The following CSMD1 variants were observed in gnomAD, a reference collection of about 807,000 sequenced individuals.
The protein encoded by CSMD1 is CUB and Sushi multiple domains 1.
In CSMD1, 213 loss-of-function variants were observed where a neutral mutation model predicts 417.5. The observed-to-expected ratio is 0.51, with a 90% CI of 0.46 to 0.57. The LOEUF (loss-of-function observed/expected upper bound fraction) is 0.57, where lower values mean the gene tolerates loss of function less well. Ranked by LOEUF, CSMD1 falls within the 20% of genes least tolerant of loss-of-function variation. The pLI is 0.00. For synonymous variants in CSMD1, 2,862 were observed against 1,736.8 expected (o/e 1.65, Z -16.11); for missense variants, 6,923 against 4,529.7 (o/e 1.53, Z -15.17).
intron 2 of CSMD1, among the ~76,000 whole-genome samples, chr8:4,527,082 T>A (rs1466127198): frequency 6.6e-6 from 1 of 152,196 alleles, no homozygotes; most frequent in Non-Finnish European, 1.5e-5. Flanking sequence ...AGACATAATT[T>A]TTTTCAGAAG....
At chr8:4,399,793 G>A (rs574675022) in intron 3 of CSMD1, among the ~76,000 whole-genome samples, 6 of 152,178 alleles carry the variant, frequency 3.9e-5, no homozygotes, top group Admixed American at 2.0e-4. Flanking sequence ...TCTAAAAGAT[G>A]CATCTGCTTT....
intron 2 of CSMD1, among the ~76,000 whole-genome samples, chr8:4,625,182 GA>G (rs1415845873): frequency 7.4e-6 from 1 of 135,618 alleles, no homozygotes; most frequent in Non-Finnish European, 1.6e-5. Context: ...GGGAGATACA[GA>G]GACCCACAGG....
intron 2 of CSMD1, among the ~76,000 whole-genome samples, chr8:4,577,419 G>T (rs1405274376): frequency 6.6e-6 from 1 of 152,056 alleles, no homozygotes. Context: ...AATGTTCTTG[G>T]ACACTCTGCT....
chr8:4,783,179 G>C (rs1197187890), intron 1 of CSMD1, among the ~76,000 whole-genome samples: 1 of 152,204 alleles, frequency 6.6e-6, no homozygotes, highest in Non-Finnish European at 1.5e-5. Context: ...TTTGTAGATA[G>C]TTGAAATACA....
chr8:4,065,999 C>G (rs1451662219), intron 3 of CSMD1, among the ~76,000 whole-genome samples: 2 of 152,172 alleles, frequency 1.3e-5, no homozygotes, highest in African/African-American at 2.4e-5. Flanking sequence ...GAAGGAGACC[C>G]TTCTCCACGA....
intron 4 of CSMD1, among the ~76,000 whole-genome samples, chr8:4,026,423 A>T (rs912034542): frequency 6.6e-6 from 1 of 152,226 alleles, no homozygotes; most frequent in Admixed American, 6.5e-5. Flanking sequence ...TAGGAAAGAC[A>T]CTTAGCTGAC....
At chr8:4,867,133 C>T (rs907642815) in intron 1 of CSMD1, among the ~76,000 whole-genome samples, 1 of 152,028 alleles carries the variant, frequency 6.6e-6, no homozygotes, top group African/African-American at 2.4e-5. Context: ...GAACTACACA[C>T]ATATTATTTA....
At chr8:4,946,039 C>T (rs551258609) in intron 1 of CSMD1, among the ~76,000 whole-genome samples, 85 of 152,234 alleles carry the variant, frequency 5.6e-4, no homozygotes, top group African/African-American at 1.9e-3. Context: ...AGACTTCTCC[C>T]GTCTGCTGTG....
In CSMD1 at chr8:3,933,794, T is replaced by C. The variant is rs538408234; in HGVS notation, c.818+64109A>G. On this transcript the variant is annotated intron_variant, in intron 5 of 69. Transcript: ENST00000635120. ...TATTTTCCTGCTATATTTATTTTTA[T>C]AATTCAGATCTTGCACTTAAAACCA... 2.0e-5 allele frequency among the ~76,000 whole-genome samples: 3 copies of C among 152,364 alleles called. No homozygotes were observed. In the South Asian group the frequency reaches 6.2e-4, roughly 32 times the overall value.
intron 3 of CSMD1, among the ~76,000 whole-genome samples, chr8:4,253,748 T>C (rs932688985): frequency 8.0e-5 from 12 of 149,400 alleles, no homozygotes; most frequent in Admixed American, 2.7e-4. Flanking sequence ...GTTGTTCAAT[T>C]ATATACTTGA....
chr8:4,458,993 C>G (rs1051618929), intron 2 of CSMD1, among the ~76,000 whole-genome samples: 2 of 152,186 alleles, frequency 1.3e-5, no homozygotes, highest in South Asian at 4.1e-4. Context: ...TGAGGATTCA[C>G]GTTTGTGCAG....
Position 3,091,653 on chromosome 8 carries a change from C to G in CSMD1, c.7148G>C (p.Gly2383Ala), listed in dbSNP as rs768744589. The G allele has an allele frequency of 1.9e-6, 3 of 1,607,482 alleles. No individual in the cohort carries two copies. The highest frequency in any genetic ancestry group is 1.7e-6 in the Non-Finnish European group (2 of 1,178,490). Reference protein sequence around the residue: ...DALEVFDGSSGQSPLLVVLSG... With the variant: ...DALEVFDGSSAQSPLLVVLSG... The stretch of plus-strand genomic sequence containing the variant: ...TAAGACTACTAGCAGAGGACTTTGC[C>G]CAGAAGAACCTAAGTGAAACAGAAA... The change falls in exon 48 of 70, where the codon GGG (glycine) becomes GCG (alanine). Residue 2383 changes from glycine (G) to alanine (A), a missense_variant. Physicochemically the swap from Gly to Ala is moderately conservative, Grantham distance 60 (BLOSUM62 0). Transcript: ENST00000635120.
intron 4 of CSMD1, among the ~76,000 whole-genome samples, chr8:4,009,692 G>C (rs559244004): frequency 2.0e-5 from 3 of 152,094 alleles, no homozygotes; most frequent in African/African-American, 4.8e-5. Context: ...TATTGAGGAA[G>C]GAAGGGCCAC....
intron 1 of CSMD1, among the ~76,000 whole-genome samples, chr8:4,890,300 A>C (rs995022814): frequency 6.6e-6 from 1 of 152,162 alleles, no homozygotes; most frequent in African/African-American, 2.4e-5. Context: ...CTACGAAGTA[A>C]GCTGAAAAGG....
At chr8:4,165,539 G>T (rs1327236252) in intron 3 of CSMD1, among the ~76,000 whole-genome samples, 1 of 152,122 alleles carries the variant, frequency 6.6e-6, no homozygotes, top group Non-Finnish European at 1.5e-5. Flanking sequence ...AAGTAGGTGG[G>T]ACCTCCGGTG....
At chr8:4,456,976 GTTT>G (rs376227990) in intron 2 of CSMD1, among the ~76,000 whole-genome samples, 2 of 136,748 alleles carry the variant, frequency 1.5e-5, no homozygotes, top group African/African-American at 5.5e-5. Flanking sequence ...GATGAGTGTG[GTTT>G]TTTTTTAAAA....
chr8:4,160,370 T>C (rs1424682445), intron 3 of CSMD1, among the ~76,000 whole-genome samples: 1 of 152,212 alleles, frequency 6.6e-6, no homozygotes, highest in Non-Finnish European at 1.5e-5. Flanking sequence ...AAGCCAACTT[T>C]GGAAATTTGG....
chr8:3,899,591 G>A (rs556698453), intron 5 of CSMD1, among the ~76,000 whole-genome samples: 6 of 152,312 alleles, frequency 3.9e-5, no homozygotes, highest in African/African-American at 1.4e-4. Context: ...GTTTCTCAAG[G>A]ATCAATATAG....
chr8:3,938,946 C>T (rs746045813), intron 5 of CSMD1, among the ~76,000 whole-genome samples: 26 of 151,996 alleles, frequency 1.7e-4, no homozygotes, highest in Admixed American at 1.6e-3. Flanking sequence ...TTTATTAGTT[C>T]TTAAAAATAA....
Sources: gnomAD v4.1 joint callset for allele counts (sites outside exome capture counted in the v4.1 genomes callset) on GRCh38, gnomAD v4.1.1 for gene constraint, MANE v1.5 for transcripts, NCBI Gene and HGNC (gene_info 2026-07-23, HGNC 2026-07-21) for gene names.